The following SENP7 variants were observed in gnomAD, a reference collection of about 807,000 sequenced individuals.
The protein encoded by SENP7 is SUMO specific peptidase 7.
A neutral mutation model predicts 141.2 loss-of-function variants in SENP7; 64 were observed. That is an observed-to-expected ratio of 0.45 (90% CI 0.37 to 0.56). The LOEUF is 0.56. Among genes scored for constraint, SENP7 ranks in the 20% least tolerant of loss-of-function variants. The pLI, the probability that SENP7 is intolerant of heterozygous loss-of-function variation, is 0.00. For missense variants in SENP7, 1,025 were observed against 1,212.2 expected, an observed-to-expected ratio of 0.85 and a Z score of 2.29; for synonymous variants, 382 against 426.4, an observed-to-expected ratio of 0.90 and a Z score of 1.28.
chr3:101,331,563 A>AAATAATAAC (rs1553690645), intron 19 of SENP7, among the ~76,000 whole-genome samples: 6 of 150,258 alleles, frequency 4.0e-5, no homozygotes, highest in Admixed American at 2.0e-4. Context: ...ATGTCAATGG[A>AAATAATAAC]AATAATAATA....
At chr3:101,495,197 G>A (rs1379719447) in intron 2 of SENP7, among the ~76,000 whole-genome samples, 2 of 152,064 alleles carry the variant, frequency 1.3e-5, no homozygotes, top group African/African-American at 4.8e-5. Context: ...AAACGACAAC[G>A]AGACACCATC....
chr3:101,372,337 G>A (rs2107440377), intron 6 of SENP7, among the ~76,000 whole-genome samples: 1 of 151,904 alleles, frequency 6.6e-6, no homozygotes, highest in Admixed American at 6.5e-5. Context: ...TGTGTTTAGG[G>A]GGAAAAAAAA....
At chr3:101,372,161 T>C (rs1332256488) in intron 6 of SENP7, 35 bp from the exon 7 acceptor site, 1 of 1,156,196 alleles carries the variant, frequency 8.6e-7, no homozygotes, top group Non-Finnish European at 1.2e-6. Context: ...TCAATTCTAA[T>C]AAAGCCCAAA....
In SENP7 at chr3:101,343,425, T is replaced by G. The variant is rs190077070; in HGVS notation, c.2106+261A>C. On this transcript the variant is annotated intron_variant, in intron 14 of 23. Transcript: ENST00000394095. ...AGATATAATTGTCCCTTATCCACCA[T>G]GTATTATTTATTCATTCATTTACTC... Among the ~76,000 whole-genome samples, 250 of 152,254 alleles carry G rather than the reference T, an allele frequency of 1.6e-3. 2 individuals carry two copies. The highest frequency in any genetic ancestry group is 1.2e-3 in the Non-Finnish European group (82 of 68,004).
chr3:101,498,623 T>C (rs2065250268), intron 2 of SENP7, among the ~76,000 whole-genome samples: 1 of 152,182 alleles, frequency 6.6e-6, no homozygotes, highest in South Asian at 2.1e-4. Context: ...CAATGTGGGA[T>C]CCTGGATTGG....
intron 3 of SENP7, among the ~76,000 whole-genome samples, chr3:101,479,974 A>G (rs1326998072): frequency 6.6e-6 from 1 of 151,088 alleles, no homozygotes; most frequent in Non-Finnish European, 1.5e-5. Context: ...TTAACCAAAG[A>G]AGTAAAAGAC....
intron 4 of SENP7, among the ~76,000 whole-genome samples, chr3:101,428,881 G>C (rs549400565): frequency 5.3e-5 from 8 of 152,256 alleles, no homozygotes; most frequent in African/African-American, 1.9e-4. Flanking sequence ...AAGGTCTAAG[G>C]AAGGAGTCAT....
At chr3:101,506,202 T>C (rs981873328) in intron 1 of SENP7, among the ~76,000 whole-genome samples, 5 of 152,042 alleles carry the variant, frequency 3.3e-5, no homozygotes, top group African/African-American at 1.2e-4. Context: ...TTATGTTTAG[T>C]AGAGAGAGAG....
At position 101,412,322 on chromosome 3, in the gene SENP7, T is replaced by C. The variant is rs1159329976; in HGVS notation, c.482+5271A>G. On this transcript the variant is annotated intron_variant, in intron 5 of 23. Coordinates refer to ENST00000394095, the MANE Select transcript of SENP7 (RefSeq NM_020654.5). ...GTCCCAGATGATATAATTTAAAATA[T>C]ACCTTCTAAATCAGCATCTTAAAGG... Among the ~76,000 whole-genome samples the C allele has an allele frequency of 5.9e-5, 9 of 152,142 alleles. No individual in the cohort carries two copies. The East Asian group carries it at 1.7e-3, about 29-fold the overall frequency.
At chr3:101,387,466 A>C (rs1367608305) in intron 6 of SENP7, among the ~76,000 whole-genome samples, 1 of 151,980 alleles carries the variant, frequency 6.6e-6, no homozygotes, top group African/African-American at 2.4e-5. Context: ...TGCACACACC[A>C]CTGGGGAGCC....
intron 3 of SENP7, among the ~76,000 whole-genome samples, chr3:101,491,819 C>T (rs930166133): frequency 3.9e-5 from 6 of 152,154 alleles, no homozygotes; most frequent in African/African-American, 1.2e-4. Context: ...AGGTCGGGCA[C>T]GGTGCCTCAT....
chr3:101,362,044 C>T (rs1355434229), intron 10 of SENP7, among the ~76,000 whole-genome samples, 183 bp from the exon 11 acceptor site: 3 of 151,910 alleles, frequency 2.0e-5, no homozygotes, highest in Non-Finnish European at 4.4e-5. Context: ...TATGACTTAC[C>T]TTTGAGAAAA....
Position 101,371,107 on chromosome 3 carries a change from C to A in SENP7, c.796+901G>T, listed in dbSNP as rs1014604706. 2.0e-5 allele frequency among the ~76,000 whole-genome samples: 3 copies of A among 152,014 alleles called. No homozygotes were observed. In the South Asian group the frequency reaches 6.2e-4, roughly 32 times the overall value. Reference sequence around the variant, plus strand: ...GAGTTTGAGACCAGCCTGGGCAACACGGCAAGACCTTGTCTCTGCAAAATA... The same window carrying A: ...GAGTTTGAGACCAGCCTGGGCAACAAGGCAAGACCTTGTCTCTGCAAAATA... On this transcript the variant is annotated intron_variant, in intron 7 of 23. Coordinates refer to ENST00000394095, the MANE Select transcript of SENP7 (RefSeq NM_020654.5).
chr3:101,513,093 G>A lies in SENP7; in HGVS notation c.38C>T (p.Ser13Phe). Residue 13 changes from serine to phenylalanine, a missense_variant and splice_region_variant, in exon 1 of 24, where the codon TCC becomes TTC. Transcript: ENST00000394095. ...GCCCTTCTCTGACCCTTTCTCACCGGATGAAGATGGCCGTCGCCCGAGCTT... is the reference window on the plus strand; with the variant it reads ...GCCCTTCTCTGACCCTTTCTCACCGAATGAAGATGGCCGTCGCCCGAGCTT... Reference protein sequence around the residue: ...KRKLGRRPSSSEIITEGKRKK... With the variant: ...KRKLGRRPSSFEIITEGKRKK... 1 of 1,613,744 alleles carries A rather than the reference G, an allele frequency of 6.2e-7. No individual in the cohort carries two copies. The highest frequency in any genetic ancestry group is 8.5e-7 in the Non-Finnish European group (1 of 1,179,902).
chr3:101,407,484 G>A (rs1218060883), intron 5 of SENP7, among the ~76,000 whole-genome samples: 3 of 152,010 alleles, frequency 2.0e-5, no homozygotes, highest in Non-Finnish European at 2.9e-5. Flanking sequence ...CAGAATATAT[G>A]TTCTATTCAA....
At chr3:101,435,112 C>T (rs1356001453) in intron 4 of SENP7, among the ~76,000 whole-genome samples, 1 of 152,034 alleles carries the variant, frequency 6.6e-6, no homozygotes, top group Non-Finnish European at 1.5e-5. Context: ...AAAGATGGTT[C>T]AACTTACAAA....
At chr3:101,417,464 T>G (rs1463498203) in intron 5 of SENP7, 129 bp downstream of exon 5, 6 of 704,344 alleles carry the variant, frequency 8.5e-6, no homozygotes, top group Non-Finnish European at 1.5e-5. Flanking sequence ...AAGATTTGCT[T>G]TAGAGTGTGG....
chr3:101,494,039 A>T (rs1175394310), intron 2 of SENP7, 71 bp from the exon 3 acceptor site: 6 of 874,214 alleles, frequency 6.9e-6, no homozygotes, highest in Non-Finnish European at 1.1e-5. Flanking sequence ...TAACAGAACC[A>T]CTATACTACC....
At chr3:101,495,611 G>T (rs1193481270) in intron 2 of SENP7, among the ~76,000 whole-genome samples, 1 of 152,152 alleles carries the variant, frequency 6.6e-6, no homozygotes, top group Non-Finnish European at 1.5e-5. Flanking sequence ...GACATGGATG[G>T]AGTTGGAAGC....
Sources: gnomAD v4.1 joint callset for allele counts (sites outside exome capture counted in the v4.1 genomes callset) on GRCh38, gnomAD v4.1.1 for gene constraint, MANE v1.5 for transcripts, NCBI Gene and HGNC (gene_info 2026-07-23, HGNC 2026-07-21) for gene names.